SLC2A5: variants seen among roughly 807,000 people sequenced by gnomAD.
The protein encoded by SLC2A5 is solute carrier family 2 member 5, also known as solute carrier family 2, facilitated glucose transporter member 5.
Under a neutral mutation model 50.3 loss-of-function variants are expected in SLC2A5, and 56 were observed. The observed-to-expected ratio is 1.11, with a 90% CI of 0.90 to 1.39. The LOEUF is 1.39. Among genes scored for constraint, SLC2A5 ranks in the 40% most tolerant of loss-of-function variants. SLC2A5 has a pLI of 0.00. For synonymous variants in SLC2A5, 269 were observed against 281.9 expected, an observed-to-expected ratio of 0.95 and a Z score of 0.46; for missense variants, 566 against 650.1, an observed-to-expected ratio of 0.87 and a Z score of 1.41.
At chr1:9,048,654 G>T (rs1641495943) in intron 3 of SLC2A5, among the ~76,000 whole-genome samples, 1 of 151,748 alleles carries the variant, frequency 6.6e-6, no homozygotes, top group Non-Finnish European at 1.5e-5. Context: ...GTTGGCCTAA[G>T]TTTCTTTCCT....
chr1:9,039,779 G>C, intron 7 of SLC2A5, 21 bp downstream of exon 7: 1 of 1,423,614 alleles, frequency 7.0e-7, no homozygotes, highest in Non-Finnish European at 9.3e-7. Context: ...CCCAGCTCCC[G>C]AGCCGCAGCC....
chr1:9,088,651 C>T (rs766628737), upstream of SLC2A5, among the ~76,000 whole-genome samples: 2 of 152,114 alleles, frequency 1.3e-5, no homozygotes, highest in Non-Finnish European at 2.9e-5. Context: ...GGCGTGGTGG[C>T]GGGTGCCTGT....
rs990360326 is a variant in SLC2A5, at chr1:9,040,763, A to G, written c.572-574T>C. ...GCCGTGTGTGGTTCTGAGTCCTGCT[A>G]TGGAGCTCCCTGAGACAGGAACCTG... On this transcript the variant is annotated intron_variant, in intron 5 of 11. Transcript: ENST00000377424. The surrounding 1 kb of genome is among the most constrained non-coding windows in gnomAD (Gnocchi z 4.3). 5.2e-5 allele frequency: 8 copies of G among 153,472 alleles called. No individual in the cohort carries two copies. The highest frequency in any genetic ancestry group is 1.9e-4 in the Admixed American group (3 of 15,400). 9.5% of individuals were successfully genotyped at this position (153,472 alleles called of 1,614,324 possible). A position where few individuals can be genotyped will look rare whatever the true frequency, so the allele number is the denominator to read the frequency against.
intron 3 of SLC2A5, among the ~76,000 whole-genome samples, chr1:9,049,611 G>A (rs1323938546): frequency 1.3e-5 from 2 of 151,682 alleles, no homozygotes; most frequent in Non-Finnish European, 2.9e-5. Context: ...GCTGAGGCAT[G>A]AGAATCGCTT....
At chr1:9,090,688 A>T (rs182385321), upstream of SLC2A5, among the ~76,000 whole-genome samples, 33 of 152,224 alleles carry the variant, frequency 2.2e-4, no homozygotes, top group African/African-American at 7.9e-4. Flanking sequence ...ACCTCCTCTC[A>T]AAATCTTTTT....
chr1:9,044,896 T>G (rs972566615), intron 4 of SLC2A5, among the ~76,000 whole-genome samples: 5 of 152,182 alleles, frequency 3.3e-5, no homozygotes, highest in African/African-American at 1.2e-4. Flanking sequence ...AGCACACAGC[T>G]TGATGATCCA....
chr1:9,067,486 G>A (rs892617726), intron 1 of SLC2A5, among the ~76,000 whole-genome samples: 1 of 152,230 alleles, frequency 6.6e-6, no homozygotes, highest in African/African-American at 2.4e-5. Context: ...CTTGGTGGAC[G>A]TGGGGAACGT....
chr1:9,036,180 A>G lies in SLC2A5; in HGVS notation c.*1406T>C, dbSNP rs1361054010. The G allele has an allele frequency of 6.6e-6, 1 of 151,786 alleles. No homozygotes were observed. The highest frequency in any genetic ancestry group is 2.4e-5 in the African/African-American group (1 of 41,412). 9.4% of individuals were successfully genotyped at this position (151,786 alleles called of 1,614,324 possible). On this transcript the variant is annotated 3_prime_UTR_variant, in exon 12 of 12. Coordinates refer to ENST00000377424, the MANE Select transcript of SLC2A5 (RefSeq NM_003039.3). ...TGGAAGCTTCCTCAATCTTACATGTATTTATTTATTTGAGACAAGGTCTCA... is the reference window on the plus strand; with the variant it reads ...TGGAAGCTTCCTCAATCTTACATGTGTTTATTTATTTGAGACAAGGTCTCA...
At chr1:9,053,187 A>T (rs1201555566) in intron 3 of SLC2A5, among the ~76,000 whole-genome samples, 40 of 74,928 alleles carry the variant, frequency 5.3e-4, no homozygotes, top group African/African-American at 2.3e-3. Context: ...ATATTTATAT[A>T]TTATATATTT....
chr1:9,078,204 A>G lies in SLC2A5; in HGVS notation c.-59+6810T>C, dbSNP rs114036128. Among the ~76,000 whole-genome samples, 909 of 152,160 alleles carry G rather than the reference A, an allele frequency of 6.0e-3. 6 individuals are homozygous for G. Among genetic ancestry groups the G allele is most frequent in the African/African-American group, 0.021 (852 of 41,488 alleles). On this transcript the variant is annotated intron_variant, in intron 2 of 5. Coordinates refer to the SLC2A5 transcript ENST00000464985. ...GTCTCTTAGCATGCTAATGTATTAT[A>G]ATTAGCATATAATGACAGTGAGGAC...
chr1:9,047,726 G>A lies in SLC2A5; in HGVS notation c.302C>T (p.Ala101Val). Residue 101 changes from alanine to valine, a missense_variant, in exon 4 of 12, where the codon GCC (alanine) becomes GTC (valine). Ala to Val is a moderately conservative substitution (Grantham distance 64). Coordinates refer to ENST00000377424, the MANE Select transcript of SLC2A5 (RefSeq NM_003039.3). ...AGAAAATATGTTGTTGAACAGCAAG[G>A]CCCCTTTTCTGCAGAGGACAAAATA... ...PLVNKFGRKG[A>V]LLFNNIFSIV... is the part of the protein sequence containing the mutation. 1.2e-6 allele frequency: 2 copies of A among 1,613,196 alleles called. No individual in the cohort carries two copies. Among genetic ancestry groups the A allele is most frequent in the Non-Finnish European group, 1.7e-6 (2 of 1,179,602 alleles).
At chr1:9,038,568 C>T (rs369055561) in intron 9 of SLC2A5, 62 bp from the exon 10 acceptor site, 32 of 1,434,306 alleles carry the variant, frequency 2.2e-5, no homozygotes, top group African/African-American at 1.5e-4. Flanking sequence ...CCCCAGGGGG[C>T]GGCCAACCTG....
At chr1:9,053,153 AT>A (rs1641633403) in intron 3 of SLC2A5, among the ~76,000 whole-genome samples, 1 of 98,130 alleles carries the variant, frequency 1.0e-5, no homozygotes, top group African/African-American at 4.3e-5. Flanking sequence ...GTTAATATAT[AT>A]TTTATATATT....
intron 2 of SLC2A5, among the ~76,000 whole-genome samples, chr1:9,081,741 C>T (rs1007174788): frequency 6.6e-6 from 1 of 152,046 alleles, no homozygotes; most frequent in Non-Finnish European, 1.5e-5. Flanking sequence ...TGAGGTATCA[C>T]TTCACACATT....
rs1205055038 is a variant in SLC2A5, at chr1:9,037,621, G to T, written c.1471C>A (p.Leu491Met). ...VSEVYPEKEELKELPPVTSEQ is the reference protein window; with the variant it reads ...VSEVYPEKEEMKELPPVTSEQ Reference sequence around the variant, plus strand: ...GAAGTGACAGGTGGAAGCTCTTTCAGTTCCTCCTTTTCCGGGTACACTTCA... The same window carrying T: ...GAAGTGACAGGTGGAAGCTCTTTCATTTCCTCCTTTTCCGGGTACACTTCA... The change falls in exon 12 of 12, where the codon CTG (leucine) becomes ATG (methionine). Residue 491 changes from leucine to methionine, a missense_variant. Coordinates refer to ENST00000377424, the MANE Select transcript of SLC2A5 (RefSeq NM_003039.3). 1 of 1,614,130 alleles carries T rather than the reference G, an allele frequency of 6.2e-7. No individual in the cohort carries two copies. The highest frequency in any genetic ancestry group is 8.5e-7 in the Non-Finnish European group (1 of 1,180,020).
chr1:9,075,500 C>G (rs1392649281), intron 2 of SLC2A5, among the ~76,000 whole-genome samples: 2 of 152,272 alleles, frequency 1.3e-5, no homozygotes, highest in African/African-American at 4.8e-5. Context: ...CTACAACTGT[C>G]TTGGTAAATT....
At chr1:9,046,665 C>CGTGTGTGTGT (rs55827239) in intron 4 of SLC2A5, among the ~76,000 whole-genome samples, 1 of 147,234 alleles carries the variant, frequency 6.8e-6, no homozygotes, top group African/African-American at 2.5e-5. Flanking sequence ...ACCTGGTTCT[C>CGTGTGTGTGT]GTGTGTGTGT....
intron 4 of SLC2A5, among the ~76,000 whole-genome samples, chr1:9,044,383 C>A (rs998823429): frequency 9.9e-5 from 15 of 152,026 alleles, no homozygotes; most frequent in African/African-American, 3.6e-4. Flanking sequence ...CCAATGAATA[C>A]CTTCAGTCTT....
Position 9,037,567 on chromosome 1 carries a change from A to G in SLC2A5, c.*19T>C, listed in dbSNP as rs112842146. The G allele has an allele frequency of 6.2e-7, 1 of 1,610,846 alleles. No homozygotes were observed. Among genetic ancestry groups the G allele is most frequent in the Non-Finnish European group, 8.5e-7 (1 of 1,177,462 alleles). ...GGGAAGCCCCTGGCAGACCAGCTCC[A>G]CTGGCTTCCTCTCCAGAGTCACTGT... On this transcript the variant is annotated 3_prime_UTR_variant, in exon 12 of 12. Coordinates refer to ENST00000377424, the MANE Select transcript of SLC2A5 (RefSeq NM_003039.3).
Sources: gnomAD v4.1 joint callset for allele counts (sites outside exome capture counted in the v4.1 genomes callset) on GRCh38, gnomAD v4.1.1 for gene constraint, Gnocchi (gnomAD v3.1) non-coding constraint, MANE v1.5 for transcripts, NCBI Gene and HGNC (gene_info 2026-07-23, HGNC 2026-07-21) for gene names.